TNS3: variants seen among roughly 807,000 people sequenced by gnomAD.
The protein encoded by TNS3 is tensin 3, also known as tensin-3.
In TNS3, 45 loss-of-function variants were observed where a neutral mutation model predicts 140.9. The ratio of observed to expected loss-of-function variants is 0.32; its 90% CI spans 0.25 to 0.41. The LOEUF (loss-of-function observed/expected upper bound fraction) is 0.41. Ranked by LOEUF, TNS3 falls within the 10% of genes least tolerant of loss-of-function variation. TNS3 has a pLI of 1.00. For synonymous variants in TNS3, 815 were observed against 788.4 expected (o/e 1.03, Z -0.56); for missense variants, 1,716 against 1,906.7 (o/e 0.90, Z 1.86).
chr7:47,413,399 C>T (rs967297331), intron 12 of TNS3, among the ~76,000 whole-genome samples: 7 of 151,510 alleles, frequency 4.6e-5, no homozygotes, highest in African/African-American at 4.9e-5. Flanking sequence ...TACAGATGCA[C>T]GACCCCAAGA....
intron 20 of TNS3, among the ~76,000 whole-genome samples, chr7:47,315,680 A>T (rs1253688006): frequency 6.6e-6 from 1 of 152,344 alleles, no homozygotes; most frequent in South Asian, 2.1e-4. Context: ...AAAACCTGCA[A>T]CCTAAATGTG....
chr7:47,570,926 A>G (rs1383543866), intron 1 of TNS3, among the ~76,000 whole-genome samples: 1 of 152,102 alleles, frequency 6.6e-6, no homozygotes, highest in Non-Finnish European at 1.5e-5. Context: ...AATCCCACAG[A>G]ATGTGAGCAG....
At chr7:47,458,612 T>C (rs1165747861) in intron 4 of TNS3, among the ~76,000 whole-genome samples, 2 of 152,228 alleles carry the variant, frequency 1.3e-5, no homozygotes, top group Non-Finnish European at 2.9e-5. Flanking sequence ...TCAAGCCACC[T>C]CCTGTGAGCA....
intron 13 of TNS3, among the ~76,000 whole-genome samples, chr7:47,408,155 T>C (rs1195225680): frequency 3.3e-5 from 5 of 152,008 alleles, no homozygotes; most frequent in Non-Finnish European, 5.9e-5. Context: ...CTGGAGGCCA[T>C]TGGGAACACT....
chr7:47,575,114 G>A (rs1296552294), intron 1 of TNS3, among the ~76,000 whole-genome samples: 1 of 152,154 alleles, frequency 6.6e-6, no homozygotes, highest in Non-Finnish European at 1.5e-5. Flanking sequence ...GACTAGCTAC[G>A]ATCTGCCCAA....
chr7:47,473,791 A>G (rs546628586), intron 4 of TNS3, among the ~76,000 whole-genome samples: 1 of 152,126 alleles, frequency 6.6e-6, no homozygotes, highest in Non-Finnish European at 1.5e-5. Flanking sequence ...TAAGCCCCAC[A>G]CCCAGTAATT....
intron 20 of TNS3, among the ~76,000 whole-genome samples, chr7:47,321,226 C>A (rs1260643337): frequency 6.6e-6 from 1 of 152,198 alleles, no homozygotes; most frequent in Non-Finnish European, 1.5e-5. Flanking sequence ...CTAAGGTTTC[C>A]GATTCATACC....
intron 4 of TNS3, among the ~76,000 whole-genome samples, chr7:47,466,170 T>C (rs1323902832): frequency 1.3e-5 from 2 of 152,010 alleles, no homozygotes; most frequent in East Asian, 1.9e-4. Flanking sequence ...CTTTTTTTTT[T>C]CTTTGATACG....
intron 20 of TNS3, among the ~76,000 whole-genome samples, chr7:47,324,517 G>A (rs932625416): frequency 2.0e-5 from 3 of 152,144 alleles, no homozygotes; most frequent in Non-Finnish European, 4.4e-5. Context: ...TTTAGGAGGC[G>A]GAGGCAGGCA....
intron 1 of TNS3, among the ~76,000 whole-genome samples, chr7:47,538,703 C>T (rs574839235): frequency 6.6e-6 from 1 of 152,288 alleles, no homozygotes; most frequent in East Asian, 1.9e-4. Context: ...AAGGAAAAAA[C>T]CTCCTCCTAG....
intron 4 of TNS3, among the ~76,000 whole-genome samples, chr7:47,460,425 G>A (rs781201546): frequency 7.2e-5 from 11 of 152,162 alleles, no homozygotes; most frequent in Non-Finnish European, 1.3e-4. Context: ...GCCCCGCACG[G>A]TGGTGCTTTG....
chr7:47,481,200 A>C, intron 3 of TNS3, 59 bp from the exon 4 acceptor site: 1 of 1,250,026 alleles, frequency 8.0e-7, no homozygotes, highest in Non-Finnish European at 1.0e-6. Flanking sequence ...AATTAGCATA[A>C]TAATCAAGCC....
At chr7:47,479,774 C>T (rs557984463) in intron 4 of TNS3, among the ~76,000 whole-genome samples, 2 of 152,378 alleles carry the variant, frequency 1.3e-5, no homozygotes, top group South Asian at 2.1e-4. Flanking sequence ...GGCACCCCGC[C>T]TGTGGCCAGG....
chr7:47,386,908 A>C (rs890438141), intron 16 of TNS3, among the ~76,000 whole-genome samples: 2 of 152,222 alleles, frequency 1.3e-5, no homozygotes, highest in Non-Finnish European at 2.9e-5. Context: ...ATGTTAAAAA[A>C]TTTAAGTAAG....
intron 3 of TNS3, among the ~76,000 whole-genome samples, chr7:47,501,707 G>T (rs1049871226): frequency 2.6e-5 from 4 of 152,156 alleles, no homozygotes; most frequent in African/African-American, 9.7e-5. Context: ...CGAGGCCCCT[G>T]CAGGGTTGCA....
chr7:47,479,617 T>C (rs138016533), intron 4 of TNS3, among the ~76,000 whole-genome samples: 3 of 152,332 alleles, frequency 2.0e-5, no homozygotes, highest in East Asian at 1.9e-4. Flanking sequence ...CTCTTGATGC[T>C]GCAACATGTT....
Position 47,303,551 on chromosome 7 carries a change from G to A in TNS3, c.2856C>T (p.Ser952=), listed in dbSNP as rs1313934782. ...SSSAERQWVE[S]SPKPMVSLLG... ...GCAGGGAAACCATGGGCTTGGGGCT[G>A]CTCTCCACCCACTGGCGTTCTGCAG... is the stretch of plus-strand genomic sequence containing the variant. Residue 952 remains serine, a synonymous_variant, in exon 22 of 31, where the codon AGC becomes AGT. Transcript: ENST00000311160. The A allele has an allele frequency of 6.2e-7, 1 of 1,601,648 alleles. No homozygotes were observed. The highest frequency in any genetic ancestry group is 8.5e-7 in the Non-Finnish European group (1 of 1,177,770).
intron 20 of TNS3, among the ~76,000 whole-genome samples, chr7:47,338,125 C>G (rs1788737512): frequency 6.6e-6 from 1 of 152,156 alleles, no homozygotes; most frequent in Admixed American, 6.5e-5. Context: ...TGAAGGACAT[C>G]TACAGTTTGG....
rs1562645789 is a variant in TNS3 at position 47,368,546 on chromosome 7, CTCGATGGACTGG to C, written c.2088_2099del (p.Asp696_Ile699del). 1.9e-6 allele frequency: 3 copies of C among 1,578,892 alleles called. No homozygotes were observed. The highest frequency in any genetic ancestry group is 2.6e-6 in the Non-Finnish European group (3 of 1,157,930). Reference sequence around the variant, plus strand: ...GCTCCAGGATCAGCCTGTTGAGCTGCTCGATGGACTGGTCGATGTCCAGGGTGGGCGAGCCTG... The same window carrying C: ...GCTCCAGGATCAGCCTGTTGAGCTGCTCGATGTCCAGGGTGGGCGAGCCTG... On this transcript the variant is annotated inframe_deletion, in exon 17 of 31. Coordinates refer to ENST00000311160, the MANE Select transcript of TNS3 (RefSeq NM_022748.12).
Sources: gnomAD v4.1 joint callset for allele counts (sites outside exome capture counted in the v4.1 genomes callset) on GRCh38, gnomAD v4.1.1 for gene constraint, MANE v1.5 for transcripts, NCBI Gene and HGNC (gene_info 2026-07-23, HGNC 2026-07-21) for gene names.